Variants in PHF20L1 observed in about 807,000 individuals in gnomAD.
The protein encoded by PHF20L1 is PHD finger protein 20-like protein 1.
PHF20L1 carries 44 observed loss-of-function variants against 125.5 expected under a neutral mutation model. That is an observed-to-expected ratio of 0.35 (90% CI 0.28 to 0.45). The LOEUF (loss-of-function observed/expected upper bound fraction) is 0.45, where lower values mean the gene tolerates loss of function less well. PHF20L1 is among the 20% of genes least tolerant of loss of function. The pLI, the probability that PHF20L1 is intolerant of heterozygous loss-of-function variation, is 1.00. For synonymous variants in PHF20L1, 380 were observed against 403.1 expected, an observed-to-expected ratio of 0.94 and a Z score of 0.69; for missense variants, 1,012 against 1,217.2, an observed-to-expected ratio of 0.83 and a Z score of 2.51.
chr8:132,829,572 A>G (rs944952088), intron 14 of PHF20L1, among the ~76,000 whole-genome samples: 18 of 152,050 alleles, frequency 1.2e-4, no homozygotes, highest in Non-Finnish European at 2.6e-4. Context: ...TGCTGCCCAA[A>G]GACTGCTGTA....
chr8:132,776,973 T>C (rs1045654267), intron 1 of PHF20L1, among the ~76,000 whole-genome samples: 5 of 152,146 alleles, frequency 3.3e-5, no homozygotes, highest in Admixed American at 1.3e-4. Flanking sequence ...GCCCAAAATA[T>C]AGTACTTTGC....
intron 11 of PHF20L1, 108 bp from the exon 12 acceptor site, chr8:132,817,231 T>C (rs1835086413): frequency 3.9e-6 from 4 of 1,015,810 alleles, no homozygotes; most frequent in East Asian, 5.0e-5. Flanking sequence ...TTGAGTGCCT[T>C]CTTTGTGCCA....
intron 4 of PHF20L1, among the ~76,000 whole-genome samples, chr8:132,797,216 G>T (rs1832498567): frequency 6.6e-6 from 1 of 152,028 alleles, no homozygotes; most frequent in Non-Finnish European, 1.5e-5. Flanking sequence ...GTGGTGGATA[G>T]GCCTGCCCGC....
intron 12 of PHF20L1, among the ~76,000 whole-genome samples, chr8:132,820,203 G>A (rs555367490): frequency 9.2e-5 from 14 of 151,842 alleles, no homozygotes; most frequent in African/African-American, 3.4e-4. Flanking sequence ...TTACTATCAG[G>A]ATGCTTTGTC....
chr8:132,843,011 AT>A, intron 19 of PHF20L1, 136 bp downstream of exon 19: 2 of 1,404,954 alleles, frequency 1.4e-6, no homozygotes, highest in Non-Finnish European at 1.9e-6. Flanking sequence ...AAGTAAGGAG[AT>A]TTTTTTGTTT....
chr8:132,819,829 T>G (rs1835382876), intron 12 of PHF20L1, among the ~76,000 whole-genome samples: 1 of 151,934 alleles, frequency 6.6e-6, no homozygotes, highest in African/African-American at 2.4e-5. Context: ...AGAGACATTT[T>G]CTGAGTTATT....
chr8:132,797,022 A>C (rs147795425), intron 4 of PHF20L1, among the ~76,000 whole-genome samples: 1 of 152,132 alleles, frequency 6.6e-6, no homozygotes, highest in Non-Finnish European at 1.5e-5. Context: ...CTCATTCTTT[A>C]TTCTATCCCT....
intron 2 of PHF20L1, among the ~76,000 whole-genome samples, chr8:132,783,741 CA>C (rs1830696779): frequency 6.6e-6 from 1 of 152,096 alleles, no homozygotes; most frequent in South Asian, 2.1e-4. Context: ...TATTTTGAGT[CA>C]TTACCTTTGA....
intron 2 of PHF20L1, among the ~76,000 whole-genome samples, chr8:132,792,385 T>C (rs1831831852): frequency 1.3e-5 from 2 of 152,112 alleles, no homozygotes; most frequent in Admixed American, 6.6e-5. Context: ...TATTACAGGA[T>C]TGATTCTAAG....
chr8:132,841,482 T>C (rs1190051746), intron 18 of PHF20L1: 1 of 152,126 alleles, frequency 6.6e-6, no homozygotes, highest in Non-Finnish European at 1.5e-5. Context: ...TTGAGTATTA[T>C]TGGAAGAGAA....
chr8:132,802,568 C>T (rs187738994), intron 6 of PHF20L1, among the ~76,000 whole-genome samples: 20 of 151,816 alleles, frequency 1.3e-4, no homozygotes, highest in East Asian at 7.7e-4. Flanking sequence ...TTATCAGTTG[C>T]GGTCGCTTGA....
In PHF20L1 at chr8:132,816,954, G is replaced by T; in HGVS notation, c.1250G>T (p.Arg417Leu). 1 of 1,612,138 alleles carries T rather than the reference G, an allele frequency of 6.2e-7. No homozygotes were observed. Among genetic ancestry groups the T allele is most frequent in the Non-Finnish European group, 8.5e-7 (1 of 1,178,742 alleles). The change falls in exon 11 of 21, where the codon CGT becomes CTT. Residue 417 changes from arginine (R) to leucine (L), a missense_variant. Coordinates refer to ENST00000395386, the MANE Select transcript of PHF20L1 (RefSeq NM_016018.5). The stretch of plus-strand genomic sequence containing the variant: ...AGTGAGCGGAGAAGAAGATCTCAGC[G>T]TTTAGCCACCTTACCCATGCCTGAT... Reference protein sequence around the residue: ...KHSERRRRSQRLATLPMPDDS... With the variant: ...KHSERRRRSQLLATLPMPDDS...
rs974104532 is a variant in PHF20L1 at position 132,847,146 on chromosome 8, C to T, written c.*1223C>T. The T allele has an allele frequency of 2.0e-5, 3 of 152,466 alleles. No individual in the cohort carries two copies. The highest frequency in any genetic ancestry group is 1.3e-4 in the Admixed American group (2 of 15,240). The allele number at this position is 152,466 out of a possible 1,614,324, so 9.4% of individuals were successfully genotyped here. On this transcript the variant is annotated 3_prime_UTR_variant, in exon 21 of 21. Transcript: ENST00000395386. Reference sequence around the variant, plus strand: ...CCCCAGTGCTACATACGCAGGTATGCGTAAGTGTGTATGCTTGTTTTAAAC... The same window carrying T: ...CCCCAGTGCTACATACGCAGGTATGTGTAAGTGTGTATGCTTGTTTTAAAC...
chr8:132,839,658 A>G (rs1023335705), intron 18 of PHF20L1, 76 bp downstream of exon 18: 116 of 1,007,136 alleles, frequency 1.2e-4, no homozygotes, highest in Non-Finnish European at 7.7e-6. Flanking sequence ...TGGCCTTTTG[A>G]TGGTCCAGAG....
At chr8:132,780,275 A>G (rs953406749) in intron 2 of PHF20L1, among the ~76,000 whole-genome samples, 1 of 152,136 alleles carries the variant, frequency 6.6e-6, no homozygotes, top group Non-Finnish European at 1.5e-5. Flanking sequence ...TGAATTTTAT[A>G]TGGGACACAA....
chr8:132,785,478 A>G (rs1306734256), intron 2 of PHF20L1, among the ~76,000 whole-genome samples: 1 of 152,176 alleles, frequency 6.6e-6, no homozygotes, highest in Admixed American at 6.5e-5. Flanking sequence ...TTAAGTTTTG[A>G]ATATCAGTAG....
At chr8:132,807,745 A>G (rs1000395785) in intron 8 of PHF20L1, 2 of 455,756 alleles carry the variant, frequency 4.4e-6, no homozygotes, top group African/African-American at 4.0e-5. Flanking sequence ...TGTGTATTTT[A>G]TAGCTAATAT....
At chr8:132,789,276 C>G (rs1017558113) in intron 2 of PHF20L1, among the ~76,000 whole-genome samples, 15 of 151,980 alleles carry the variant, frequency 9.9e-5, no homozygotes, top group African/African-American at 3.6e-4. Flanking sequence ...GAGTCTTGTA[C>G]AAGTGGGAGT....
intron 13 of PHF20L1, chr8:132,824,289 CTT>C: frequency 2.8e-6 from 1 of 356,138 alleles, no homozygotes; most frequent in Middle Eastern, 6.8e-4. Context: ...TCCAAAGGAA[CTT>C]TTGTGTTTAT....
Sources: allele counts gnomAD v4.1 joint callset (sites outside exome capture counted in the v4.1 genomes callset), GRCh38; gene constraint gnomAD v4.1.1; transcripts MANE v1.5; gene names NCBI Gene and HGNC (gene_info 2026-07-23, HGNC 2026-07-21).